Variants in RBFOX1 observed in about 807,000 individuals in gnomAD.
The protein encoded by RBFOX1 is RNA binding protein fox-1 homolog 1.
In RBFOX1, 8 loss-of-function variants were observed where a neutral mutation model predicts 57.7. The observed-to-expected ratio is 0.14, with a 90% CI of 0.08 to 0.25. RBFOX1 has a LOEUF of 0.25. RBFOX1 is among the 10% of genes least tolerant of loss of function. The probability of loss-of-function intolerance (pLI) is 1.00; values close to 1 mark genes in which losing one functional copy is unlikely to be tolerated. For missense variants in RBFOX1, 611 were observed against 548.5 expected (o/e 1.11, Z -1.14); for synonymous variants, 326 against 222.4 (o/e 1.47, Z -4.15).
chr16:6,122,213 T>C (rs552618169), intron 1 of RBFOX1, among the ~76,000 whole-genome samples: 124 of 152,300 alleles, frequency 8.1e-4, no homozygotes, highest in African/African-American at 2.9e-3. Flanking sequence ...GCCCTTTTTG[T>C]TATTTTTTAA....
intron 3 of RBFOX1, among the ~76,000 whole-genome samples, chr16:5,858,331 C>T (rs2057123287): frequency 6.6e-6 from 1 of 152,156 alleles, no homozygotes; most frequent in African/African-American, 2.4e-5. Context: ...TTGCAATCTC[C>T]CCGTGTTTTC....
intron 4 of RBFOX1, among the ~76,000 whole-genome samples, chr16:7,434,755 C>A (rs1427760115): frequency 6.8e-6 from 1 of 147,596 alleles, no homozygotes; most frequent in East Asian, 2.0e-4. Flanking sequence ...TTTTTTCTTT[C>A]CTGAGATTGA....
intron 4 of RBFOX1, among the ~76,000 whole-genome samples, chr16:7,120,317 G>C (rs571521867): frequency 6.7e-6 from 1 of 148,196 alleles, no homozygotes; most frequent in Non-Finnish European, 1.5e-5. Context: ...CATGCAAAGA[G>C]AAAGAAGGGA....
intron 1 of RBFOX1, among the ~76,000 whole-genome samples, chr16:6,283,396 A>G (rs911824298): frequency 6.6e-6 from 1 of 152,182 alleles, no homozygotes; most frequent in Non-Finnish European, 1.5e-5. Context: ...ACTACAGTGA[A>G]TGGGCTAAAT....
intron 4 of RBFOX1, among the ~76,000 whole-genome samples, chr16:7,193,985 G>A (rs960010890): frequency 3.3e-5 from 5 of 151,684 alleles, no homozygotes; most frequent in Non-Finnish European, 5.9e-5. Flanking sequence ...GCTAAAAATA[G>A]TCTTTCCCAA....
At chr16:5,985,977 A>G (rs2060277977) in intron 4 of RBFOX1, among the ~76,000 whole-genome samples, 1 of 152,118 alleles carries the variant, frequency 6.6e-6, no homozygotes, top group Non-Finnish European at 1.5e-5. Context: ...TACCATCTAG[A>G]GAGACATTTA....
intron 4 of RBFOX1, among the ~76,000 whole-genome samples, chr16:7,319,580 G>A (rs2096506873): frequency 6.6e-6 from 1 of 152,096 alleles, no homozygotes; most frequent in Admixed American, 6.6e-5. Context: ...TGGAATTCTT[G>A]TTCACCACCC....
chr16:5,262,582 T>C (rs960338262), intron 1 of RBFOX1, among the ~76,000 whole-genome samples: 13 of 152,184 alleles, frequency 8.5e-5, no homozygotes, highest in Non-Finnish European at 1.6e-4. Context: ...TCCATAACCA[T>C]GTGAGCCATG....
chr16:5,548,174 A>AAT (rs71142629), intron 2 of RBFOX1, among the ~76,000 whole-genome samples: 849 of 33,540 alleles, frequency 0.025, 23 homozygotes, highest in Non-Finnish European at 0.038. Context: ...AAAAAAAAAA[A>AAT]ATATATATAT....
intron 2 of RBFOX1, among the ~76,000 whole-genome samples, chr16:6,337,607 C>CT (rs1414786117): frequency 6.6e-6 from 1 of 152,218 alleles, no homozygotes; most frequent in African/African-American, 2.4e-5. Context: ...GATATATAGG[C>CT]TACAAAGACA....
At chr16:7,402,948 T>G (rs1277713153) in intron 4 of RBFOX1, among the ~76,000 whole-genome samples, 1 of 152,180 alleles carries the variant, frequency 6.6e-6, no homozygotes, top group Admixed American at 6.5e-5. Flanking sequence ...CTAGAAACAC[T>G]GCAGAAAATT....
intron 14 of RBFOX1, among the ~76,000 whole-genome samples, chr16:7,702,640 G>C (rs1338181613): frequency 1.3e-5 from 2 of 152,182 alleles, no homozygotes; most frequent in East Asian, 3.9e-4. Context: ...TTCTGGTCTT[G>C]TTCTTTCTTT....
At chr16:7,566,400 T>C (rs1439603931) in intron 5 of RBFOX1, among the ~76,000 whole-genome samples, 2 of 152,146 alleles carry the variant, frequency 1.3e-5, no homozygotes, top group African/African-American at 4.8e-5. Context: ...TTGCAGCTGC[T>C]CTACGTGCCT....
intron 2 of RBFOX1, among the ~76,000 whole-genome samples, chr16:5,580,193 G>C (rs987329518): frequency 6.6e-6 from 1 of 152,316 alleles, no homozygotes; most frequent in East Asian, 1.9e-4. Context: ...TGGTGCCTAG[G>C]GGGACCCCAA....
At chr16:7,350,348 G>C (rs2097105615) in intron 4 of RBFOX1, among the ~76,000 whole-genome samples, 1 of 152,150 alleles carries the variant, frequency 6.6e-6, no homozygotes, top group Non-Finnish European at 1.5e-5. Context: ...GAAATGACCG[G>C]ATGGTCAGTA....
At position 7,266,547 on chromosome 16, in the gene RBFOX1, G is replaced by T. The variant is rs866946859; in HGVS notation, c.27+214449G>T. Among the ~76,000 whole-genome samples, 50 of 152,108 alleles carry T rather than the reference G, an allele frequency of 3.3e-4. 1 individual carries two copies. Among genetic ancestry groups the T allele is most frequent in the African/African-American group, 1.2e-3 (48 of 41,416 alleles). ...GCAAGAACAACCTATTACACCTCAT[G>T]CCCTCATCTAAATCTAATCACCTCA... On this transcript the variant is annotated intron_variant, in intron 4 of 15. Transcript: ENST00000550418.
intron 3 of RBFOX1, among the ~76,000 whole-genome samples, chr16:6,894,074 G>C (rs538700034): frequency 8.5e-4 from 130 of 152,188 alleles, no homozygotes; most frequent in African/African-American, 2.8e-3. Context: ...TCAATAGATA[G>C]ATACTGGATC....
chr16:6,240,488 G>C (rs2097534505), intron 1 of RBFOX1, among the ~76,000 whole-genome samples: 1 of 151,970 alleles, frequency 6.6e-6, no homozygotes, highest in African/African-American at 2.4e-5. Context: ...AGGTACCCCA[G>C]GCCCTCACTC....
chr16:7,062,893 ATTTTT>A (rs1170936027), intron 4 of RBFOX1, among the ~76,000 whole-genome samples: 1 of 47,312 alleles, frequency 2.1e-5, no homozygotes, highest in African/African-American at 9.2e-5. Context: ...AATGATCGCC[ATTTTT>A]TTTTTTTTTT....
Sources: allele counts gnomAD v4.1 joint callset (sites outside exome capture counted in the v4.1 genomes callset), GRCh38; gene constraint gnomAD v4.1.1; transcripts MANE v1.5; gene names NCBI Gene and HGNC (gene_info 2026-07-23, HGNC 2026-07-21).